Variants in PCDHGA2 observed in about 807,000 individuals in gnomAD.
PCDHGA2 encodes the protein protocadherin gamma subfamily A, 2, also known as protocadherin gamma-A2.
In PCDHGA2, 40 loss-of-function variants were observed where a neutral mutation model predicts 59.2. The ratio of observed to expected loss-of-function variants is 0.68; its 90% CI spans 0.52 to 0.88. The LOEUF is 0.88. PCDHGA2 is among the 40% of genes least tolerant of loss of function. The pLI is 0.00. For synonymous variants in PCDHGA2, 560 were observed against 526.0 expected, an observed-to-expected ratio of 1.06 and a Z score of -0.89; for missense variants, 1,226 against 1,204.0, an observed-to-expected ratio of 1.02 and a Z score of -0.27.
At position 141,433,188 on chromosome 5, in the gene PCDHGA2, G is replaced by A. The variant is rs2097573612; in HGVS notation, c.2425-61619G>A. The A allele has an allele frequency of 2.5e-6, 4 of 1,583,816 alleles. No homozygotes were observed. The South Asian group carries it at 3.5e-5, about 14-fold the overall frequency. On this transcript the variant is annotated intron_variant, in intron 1 of 3. Coordinates refer to ENST00000394576, the MANE Select transcript of PCDHGA2 (RefSeq NM_018915.4). ...GACAGTCATGGGTTAATTGAGGTGA[G>A]TTTATATCAAATCTTCTTTCTTTTT...
At chr5:141,370,928 C>T in intron 1 of PCDHGA2, 1 of 1,613,992 alleles carries the variant, frequency 6.2e-7, no homozygotes, top group Non-Finnish European at 8.5e-7. Context: ...ATCCGCACTT[C>T]TCTTTGATTC....
Position 141,495,452 on chromosome 5 carries a change from CTCTG to C in PCDHGA2, c.2483+593_2483+596del, listed in dbSNP as rs550877100. ...GTCCTCTGCCCCTACTTGTCCTGCTCTCTGTCTGTGGGGTCTCCGTGTCTCTGCC... is the reference window on the plus strand; with the variant it reads ...GTCCTCTGCCCCTACTTGTCCTGCTCTCTGTGGGGTCTCCGTGTCTCTGCC... On this transcript the variant is annotated intron_variant, in intron 2 of 3. Coordinates refer to ENST00000394576, the MANE Select transcript of PCDHGA2 (RefSeq NM_018915.4). 5.6e-4 allele frequency among the ~76,000 whole-genome samples: 85 copies of C among 152,356 alleles called. 1 individual carries two copies. Among genetic ancestry groups the C allele is most frequent in the Admixed American group, 3.5e-3 (53 of 15,310 alleles).
At chr5:141,459,300 A>G (rs954766370) in intron 1 of PCDHGA2, among the ~76,000 whole-genome samples, 2 of 152,202 alleles carry the variant, frequency 1.3e-5, no homozygotes, top group Non-Finnish European at 2.9e-5. Context: ...ATCCTATAAC[A>G]TATACTATTT....
Position 141,388,164 on chromosome 5 carries a change from G to A in PCDHGA2, c.2424+46769G>A, listed in dbSNP as rs372819071. 487 of 1,478,548 alleles carry A rather than the reference G, an allele frequency of 3.3e-4. No homozygotes were observed. The highest frequency in any genetic ancestry group is 4.3e-4 in the Non-Finnish European group (458 of 1,069,378). 91.6% of individuals were successfully genotyped at this position (1,478,548 alleles called of 1,614,324 possible). A position where few individuals can be genotyped will look rare whatever the true frequency, so the allele number is the denominator to read the frequency against. On this transcript the variant is annotated intron_variant, in intron 1 of 3. Coordinates refer to ENST00000394576, the MANE Select transcript of PCDHGA2 (RefSeq NM_018915.4). ...TGTGAGCAGCAGGCTAGACAGGGAG[G>A]AGATATGCGGGAAGAAGCCAGCTTG...
chr5:141,357,537 C>T lies in PCDHGA2; in HGVS notation c.2424+16142C>T, dbSNP rs951939582. The stretch of plus-strand genomic sequence containing the variant: ...CCCAACCCAGCTATGCAGACACGCT[C>T]ATCAGCCGGGAGAGTTGTGAGAAAA... On this transcript the variant is annotated intron_variant, in intron 1 of 3. Transcript: ENST00000394576. 4 of 1,614,116 alleles carry T rather than the reference C, an allele frequency of 2.5e-6. No individual in the cohort carries two copies. In the African/African-American group the frequency reaches 5.3e-5, roughly 22 times the overall value.
At chr5:141,375,056 CCAGGT>C in intron 1 of PCDHGA2, 2 of 1,613,966 alleles carry the variant, frequency 1.2e-6, no homozygotes, top group Non-Finnish European at 1.7e-6. Flanking sequence ...CCGGGATGGG[CCAGGT>C]CTTCGAGACA....
At chr5:141,379,148 C>A (rs1775403253) in intron 1 of PCDHGA2, 1 of 152,174 alleles carries the variant, frequency 6.6e-6, no homozygotes, top group East Asian at 1.9e-4. Flanking sequence ...TCCTTTGTAA[C>A]CTGACTTTGT....
chr5:141,506,209 G>A (rs549403288), intron 3 of PCDHGA2, among the ~76,000 whole-genome samples: 3 of 152,284 alleles, frequency 2.0e-5, no homozygotes, highest in African/African-American at 7.2e-5. Context: ...CCAGCACTTT[G>A]GGAAGCTGAG....
rs761905572 is a variant in PCDHGA2 at position 141,486,493 on chromosome 5, T to A, written c.2425-8314T>A. The A allele has an allele frequency of 2.5e-6, 4 of 1,614,136 alleles. No homozygotes were observed. The highest frequency in any genetic ancestry group is 1.7e-4 in the Middle Eastern group (1 of 6,060). On this transcript the variant is annotated intron_variant, in intron 1 of 3. Transcript: ENST00000394576. This position sits in a 1 kb window ranked among gnomAD's most constrained non-coding sequence, Gnocchi z 5.0. ...ACCCTCCTCTCAGTACCCACAGAAC[T>A]ATTTTCCTCAATATTTCAGATGTGA... is the stretch of plus-strand genomic sequence containing the variant.
rs200757040 is a variant in PCDHGA2, at chr5:141,431,080, C to T, written c.2425-63727C>T. 3 of 1,614,044 alleles carry T rather than the reference C, an allele frequency of 1.9e-6. No homozygotes were observed. The highest frequency in any genetic ancestry group is 2.5e-6 in the Non-Finnish European group (3 of 1,180,010). ...CCATCAAGTGTCAATTAAATCTAGA[C>T]ATTCTGATGGAGGATAAAGTGAAAA... On this transcript the variant is annotated intron_variant, in intron 1 of 3. Coordinates refer to ENST00000394576, the MANE Select transcript of PCDHGA2 (RefSeq NM_018915.4). This position sits in a 1 kb window ranked among gnomAD's most constrained non-coding sequence, Gnocchi z 4.8.
chr5:141,511,453 T>G lies in PCDHGA2; in HGVS notation c.*280T>G. 1.7e-6 allele frequency: 1 copy of G among 595,822 alleles called. No individual in the cohort carries two copies. Among genetic ancestry groups the G allele is most frequent in the Non-Finnish European group, 2.8e-6 (1 of 360,062 alleles). 36.9% of individuals were successfully genotyped at this position (595,822 alleles called of 1,614,324 possible). ...GGTTACTGTAGACACCAAGAACCATTTGCCACACCCCGTTTAGTTACAGCT... is the reference window on the plus strand; with the variant it reads ...GGTTACTGTAGACACCAAGAACCATGTGCCACACCCCGTTTAGTTACAGCT... On this transcript the variant is annotated 3_prime_UTR_variant, in exon 4 of 4. Transcript: ENST00000394576.
Position 141,491,274 on chromosome 5 carries a change from T to C in PCDHGA2, c.2425-3533T>C, listed in dbSNP as rs2099710140. On this transcript the variant is annotated intron_variant, in intron 1 of 3. Transcript: ENST00000394576. The surrounding 1 kb of genome is among the most constrained non-coding windows in gnomAD (Gnocchi z 6.9). ...ACCCTGAGGAAATGCCCAAATCCAG[T>C]GACTTCCTCATACACCCTCCTGAGC... The C allele has an allele frequency of 6.2e-7, 1 of 1,614,102 alleles. No individual in the cohort carries two copies. Among genetic ancestry groups the C allele is most frequent in the Non-Finnish European group, 8.5e-7 (1 of 1,179,914 alleles).
At chr5:141,438,591 C>CATATATATAT (rs946798767) in intron 1 of PCDHGA2, among the ~76,000 whole-genome samples, 17 of 75,552 alleles carry the variant, frequency 2.3e-4, no homozygotes, top group Non-Finnish European at 3.8e-4. Context: ...TACATACATA[C>CATATATATAT]ATATATATAT....
chr5:141,373,994 G>C lies in PCDHGA2; in HGVS notation c.2424+32599G>C, dbSNP rs1355942933. 8.0e-6 allele frequency: 10 copies of C among 1,243,924 alleles called. 1 individual carries two copies. Among genetic ancestry groups the C allele is most frequent in the African/African-American group, 3.0e-5 (2 of 65,694 alleles). The allele number at this position is 1,243,924 out of a possible 1,614,324, so 77.1% of individuals were successfully genotyped here. A position where few individuals can be genotyped will look rare whatever the true frequency, so the allele number is the denominator to read the frequency against. On this transcript the variant is annotated intron_variant, in intron 1 of 3. Transcript: ENST00000394576. ...CGCATCCGGTCTCTGCTTGTTGAAG[G>C]ACCTTCACCGCTATTTCTGAGAAGA...
chr5:141,381,826 C>CTTCTTTTTTTTTTTTT (rs1777532522), intron 1 of PCDHGA2, among the ~76,000 whole-genome samples: 2 of 74,284 alleles, frequency 2.7e-5, no homozygotes, highest in African/African-American at 6.2e-5. Context: ...CTTTCTTCTT[C>CTTCTTTTTTTTTTTTT]TTTTTTTTTT....
At chr5:141,364,829 C>T in intron 1 of PCDHGA2, 2 of 1,614,008 alleles carry the variant, frequency 1.2e-6, no homozygotes, top group Non-Finnish European at 1.7e-6. Context: ...TGTGAACTCT[C>T]TCCGGAGTTA....
At chr5:141,385,369 G>T in intron 1 of PCDHGA2, 1 of 1,532,174 alleles carries the variant, frequency 6.5e-7, no homozygotes, top group Admixed American at 2.2e-5. Context: ...TTATTTGCAT[G>T]ATATTTCTCT....
In PCDHGA2 at chr5:141,357,565, G is replaced by A. The variant is rs766473131; in HGVS notation, c.2424+16170G>A. The A allele has an allele frequency of 1.1e-5, 17 of 1,614,184 alleles. No individual in the cohort carries two copies. In the Admixed American group the frequency reaches 2.5e-4, roughly 24 times the overall value. Reference sequence around the variant, plus strand: ...CAGCCGGGAGAGTTGTGAGAAAAGCGAGCCTCTTCTGATAACTCAGGATTT... The same window carrying A: ...CAGCCGGGAGAGTTGTGAGAAAAGCAAGCCTCTTCTGATAACTCAGGATTT... On this transcript the variant is annotated intron_variant, in intron 1 of 3. Transcript: ENST00000394576.
Position 141,339,012 on chromosome 5 carries a change from T to C in PCDHGA2, c.41T>C (p.Val14Ala), listed in dbSNP as rs747009936. ...AAGTTGCCACACTGCAGAAAGCTGG[T>C]CCTGCTGTGCTTCCTTTTGGCGACC... ...LQKLPHCRKL[V>A]LLCFLLATLW... Residue 14 changes from valine (V) to alanine (A), a missense_variant, in exon 1 of 4, where the codon GTC (valine) becomes GCC (alanine). Physicochemically the swap from Val to Ala is moderately conservative, Grantham distance 64. Coordinates refer to ENST00000394576, the MANE Select transcript of PCDHGA2 (RefSeq NM_018915.4). 2 of 1,582,686 alleles carry C rather than the reference T, an allele frequency of 1.3e-6. No individual in the cohort carries two copies. Among genetic ancestry groups the C allele is most frequent in the Non-Finnish European group, 1.7e-6 (2 of 1,161,580 alleles).
Sources: allele counts gnomAD v4.1 joint callset (sites outside exome capture counted in the v4.1 genomes callset), GRCh38; gene constraint gnomAD v4.1.1; non-coding constraint Gnocchi (gnomAD v3.1); transcripts MANE v1.5; gene names NCBI Gene and HGNC (gene_info 2026-07-23, HGNC 2026-07-21).